Variants in SUMF1 observed in about 807,000 individuals in gnomAD.
The protein encoded by SUMF1 is sulfatase modifying factor 1.
A neutral mutation model predicts 47.6 loss-of-function variants in SUMF1; 48 were observed. The observed-to-expected ratio is 1.01, with a 90% CI of 0.80 to 1.28. The LOEUF is 1.28. SUMF1 is among the 50% of genes most tolerant of loss of function. The probability of loss-of-function intolerance (pLI) is 0.00; values close to 1 mark genes in which losing one functional copy is unlikely to be tolerated. For synonymous variants in SUMF1, 230 were observed against 192.1 expected, an observed-to-expected ratio of 1.20 and a Z score of -1.63; for missense variants, 571 against 485.4, an observed-to-expected ratio of 1.18 and a Z score of -1.66.
chr3:4,400,019 G>A (rs112031398), intron 7 of SUMF1, among the ~76,000 whole-genome samples: 32 of 152,246 alleles, frequency 2.1e-4, no homozygotes, highest in African/African-American at 7.0e-4. Context: ...GATTACAGGC[G>A]TGAGCCACTG....
intron 9 of SUMF1, among the ~76,000 whole-genome samples, chr3:4,061,410 C>A (rs901618666): frequency 6.6e-6 from 1 of 152,136 alleles, no homozygotes; most frequent in African/African-American, 2.4e-5. Flanking sequence ...TGACTCCCTG[C>A]TTCCTGCTGA....
At chr3:4,392,081 G>C (rs711672) in intron 7 of SUMF1, among the ~76,000 whole-genome samples, 36,087 of 151,952 alleles carry the variant, frequency 0.24, 5,630 homozygotes, top group Non-Finnish European at 0.34. Flanking sequence ...ACTCGCCTCA[G>C]CCTCCCAAAG....
rs551575616 is a variant in SUMF1 at position 4,151,727 on chromosome 3, T to C, written c.1015-82982A>G. Among the ~76,000 whole-genome samples the C allele has an allele frequency of 1.5e-4, 23 of 148,566 alleles. 1 individual carries two copies. Among genetic ancestry groups the C allele is most frequent in the African/African-American group, 5.5e-4 (22 of 39,768 alleles). On this transcript the variant is annotated intron_variant and NMD_transcript_variant, in intron 8 of 12. Coordinates refer to the SUMF1 transcript ENST00000448413. Reference sequence around the variant, plus strand: ...AAAAAAAAAAAAAATCACAAAAAAATCTCATAATGTTTTAAGAAAGTTTAT... The same window carrying C: ...AAAAAAAAAAAAAATCACAAAAAAACCTCATAATGTTTTAAGAAAGTTTAT...
At chr3:4,301,736 G>C (rs1275052750) in intron 8 of SUMF1, among the ~76,000 whole-genome samples, 1 of 152,186 alleles carries the variant, frequency 6.6e-6, no homozygotes, top group Non-Finnish European at 1.5e-5. Flanking sequence ...AGAAGAAAAA[G>C]CAAGACTGGC....
At chr3:4,233,597 T>C (rs902760683) in intron 8 of SUMF1, among the ~76,000 whole-genome samples, 1 of 152,066 alleles carries the variant, frequency 6.6e-6, no homozygotes. Context: ...ATTTGAATTG[T>C]TTAAAATAAA....
chr3:4,368,563 A>G (rs1415759704), intron 8 of SUMF1, among the ~76,000 whole-genome samples: 1 of 152,130 alleles, frequency 6.6e-6, no homozygotes, highest in Non-Finnish European at 1.5e-5. Flanking sequence ...CACTACTCAC[A>G]ATAGCAAAGA....
intron 8 of SUMF1, among the ~76,000 whole-genome samples, chr3:4,265,195 G>A (rs1237055736): frequency 1.3e-5 from 2 of 151,062 alleles, no homozygotes; most frequent in Non-Finnish European, 2.9e-5. Flanking sequence ...TATGCATCTG[G>A]CAGGAGCAGG....
At chr3:4,335,960 C>CAAA (rs770091674) in intron 8 of SUMF1, among the ~76,000 whole-genome samples, 8,545 of 73,528 alleles carry the variant, frequency 0.12, 620 homozygotes, top group Non-Finnish European at 0.14. Flanking sequence ...GATTCCAACT[C>CAAA]AAAAAAAAAA....
At chr3:4,445,601 TC>T (rs1249339754) in intron 3 of SUMF1, among the ~76,000 whole-genome samples, 1 of 152,174 alleles carries the variant, frequency 6.6e-6, no homozygotes, top group Non-Finnish European at 1.5e-5. Context: ...TGCTTCGGCT[TC>T]CCAAAGTGCT....
chr3:4,141,990 T>C (rs17040044), intron 8 of SUMF1, among the ~76,000 whole-genome samples: 9,229 of 152,200 alleles, frequency 0.061, 603 homozygotes, highest in African/African-American at 0.16. Flanking sequence ...CTGTGTTTCA[T>C]TACAATCAGC....
intron 8 of SUMF1, among the ~76,000 whole-genome samples, chr3:4,147,668 A>T (rs190235007): frequency 2.0e-5 from 3 of 152,300 alleles, no homozygotes; most frequent in Admixed American, 1.3e-4. Flanking sequence ...AACTATTGCC[A>T]CATACAGTGA....
intron 8 of SUMF1, among the ~76,000 whole-genome samples, chr3:4,144,441 T>A (rs2125099527): frequency 6.6e-6 from 1 of 152,188 alleles, no homozygotes; most frequent in Admixed American, 6.5e-5. Context: ...TCTGACAGAA[T>A]CACCAATCTT....
intron 8 of SUMF1, among the ~76,000 whole-genome samples, chr3:4,170,784 C>T (rs1694816828): frequency 6.6e-6 from 1 of 152,144 alleles, no homozygotes; most frequent in East Asian, 1.9e-4. Flanking sequence ...CCATTAACAA[C>T]AACAAAAAAA....
chr3:4,442,580 G>A (rs1161878786), intron 3 of SUMF1, among the ~76,000 whole-genome samples: 2 of 126,916 alleles, frequency 1.6e-5, no homozygotes, highest in Non-Finnish European at 3.4e-5. Context: ...CTCACACCAA[G>A]GAGAAATCTC....
At chr3:4,273,770 AC>A in intron 8 of SUMF1, among the ~76,000 whole-genome samples, 6 of 61,306 alleles carry the variant, frequency 9.8e-5, no homozygotes, top group Non-Finnish European at 1.5e-4. Flanking sequence ...AGGGGAGGAT[AC>A]GGGAGGGGAG....
At chr3:4,410,044 A>T (rs1347833419) in intron 7 of SUMF1, among the ~76,000 whole-genome samples, 1 of 152,238 alleles carries the variant, frequency 6.6e-6, no homozygotes, top group East Asian at 1.9e-4. Context: ...TAGTTTGGTT[A>T]TAAATATACA....
intron 8 of SUMF1, among the ~76,000 whole-genome samples, chr3:4,160,904 A>G: frequency 6.6e-6 from 1 of 152,072 alleles, no homozygotes; most frequent in Non-Finnish European, 1.5e-5. Context: ...GTGTCTGGAC[A>G]TTGAAGAGTT....
chr3:4,400,315 T>A lies in SUMF1; in HGVS notation c.954+10550A>T, dbSNP rs1701169310. 2.0e-5 allele frequency among the ~76,000 whole-genome samples: 3 copies of A among 152,128 alleles called. No individual in the cohort carries two copies. The South Asian group carries it at 6.2e-4, about 32-fold the overall frequency. ...GGAAAGGAATAAACAATCTTTTGAT[T>A]GAAAGAAATCCAAAAAACCCGGGCT... On this transcript the variant is annotated intron_variant, in intron 7 of 8. Transcript: ENST00000272902.
chr3:4,388,032 G>C (rs915241112), intron 7 of SUMF1, among the ~76,000 whole-genome samples: 4 of 152,012 alleles, frequency 2.6e-5, no homozygotes, highest in African/African-American at 9.7e-5. Context: ...AACTGAAAAG[G>C]GGTATTCTGC....
Sources: allele counts gnomAD v4.1 joint callset (sites outside exome capture counted in the v4.1 genomes callset), GRCh38; gene constraint gnomAD v4.1.1; transcripts MANE v1.5; gene names NCBI Gene and HGNC (gene_info 2026-07-23, HGNC 2026-07-21).